EPC2: variants seen among roughly 807,000 people sequenced by gnomAD.
EPC2 encodes the protein enhancer of polycomb homolog 2.
Under a neutral mutation model 92.1 loss-of-function variants are expected in EPC2, and 14 were observed. The observed-to-expected ratio is 0.15, with a 90% CI of 0.10 to 0.24. The LOEUF is 0.24. EPC2 is among the 10% of genes least tolerant of loss of function. The pLI is 1.00. For synonymous variants in EPC2, 340 were observed against 334.7 expected (o/e 1.02, Z -0.17); for missense variants, 755 against 971.5 (o/e 0.78, Z 2.96).
intron 4 of EPC2, among the ~76,000 whole-genome samples, chr2:148,754,613 T>A (rs1182386444): frequency 5.3e-5 from 8 of 152,120 alleles, no homozygotes; most frequent in African/African-American, 1.9e-4. Flanking sequence ...TTCTTCCAAG[T>A]GAAAATGGAC....
intron 1 of EPC2, among the ~76,000 whole-genome samples, chr2:148,655,977 C>T (rs1356869714): frequency 2.2e-5 from 3 of 138,872 alleles, no homozygotes; most frequent in South Asian, 2.2e-4. Flanking sequence ...TTCACAGACA[C>T]GCTACAGAGG....
intron 2 of EPC2, among the ~76,000 whole-genome samples, chr2:148,693,455 T>A (rs1296708561): frequency 1.3e-5 from 2 of 152,148 alleles, no homozygotes; most frequent in Non-Finnish European, 2.9e-5. Context: ...TAGGATAAAA[T>A]TTTTAACATC....
At chr2:148,782,353 G>A (rs1329977327) in intron 11 of EPC2, among the ~76,000 whole-genome samples, 1 of 151,900 alleles carries the variant, frequency 6.6e-6, no homozygotes, top group Non-Finnish European at 1.5e-5. Context: ...CCTGGTCAAC[G>A]TGGCAAAACC....
intron 3 of EPC2, among the ~76,000 whole-genome samples, chr2:148,749,219 C>T (rs1387275144): frequency 6.6e-6 from 1 of 152,054 alleles, no homozygotes; most frequent in Non-Finnish European, 1.5e-5. Flanking sequence ...AGCTATAGTC[C>T]TCATGCCGGT....
intron 10 of EPC2, among the ~76,000 whole-genome samples, chr2:148,777,036 T>G (rs1355285787): frequency 3.3e-5 from 5 of 151,968 alleles, no homozygotes; most frequent in African/African-American, 1.2e-4. Context: ...ATTTTTTTAT[T>G]TTTAGGAGAG....
intron 1 of EPC2, among the ~76,000 whole-genome samples, chr2:148,646,863 G>A (rs1683812969): frequency 6.6e-6 from 1 of 152,042 alleles, no homozygotes. Flanking sequence ...TGTAATCCCA[G>A]CACTTTGGAA....
chr2:148,739,695 G>A (rs1682836713), intron 2 of EPC2, among the ~76,000 whole-genome samples: 1 of 151,942 alleles, frequency 6.6e-6, no homozygotes, highest in African/African-American at 2.4e-5. Context: ...CCTGAGCAGT[G>A]GTAGCTACCT....
chr2:148,701,992 T>C (rs1270922221), intron 2 of EPC2, among the ~76,000 whole-genome samples: 2 of 152,168 alleles, frequency 1.3e-5, no homozygotes, highest in Non-Finnish European at 2.9e-5. Flanking sequence ...TATGGCCATA[T>C]AGTTGTTCTG....
intron 7 of EPC2, among the ~76,000 whole-genome samples, chr2:148,768,399 GC>G (rs1195347269): frequency 2.6e-5 from 4 of 152,252 alleles, no homozygotes; most frequent in Admixed American, 2.6e-4. Context: ...CAATGCTACT[GC>G]CCTAGAAGTC....
At chr2:148,704,658 A>G (rs1469996324) in intron 2 of EPC2, among the ~76,000 whole-genome samples, 2 of 152,232 alleles carry the variant, frequency 1.3e-5, no homozygotes, top group Non-Finnish European at 2.9e-5. Flanking sequence ...AAAGAACTCA[A>G]CATTTTTACT....
chr2:148,786,453 T>C lies in EPC2; in HGVS notation c.*76T>C, dbSNP rs1479563877. 1 of 1,168,384 alleles carries C rather than the reference T, an allele frequency of 8.6e-7. No individual in the cohort carries two copies. The allele number at this position is 1,168,384 out of a possible 1,614,324, so 72.4% of individuals were successfully genotyped here. On this transcript the variant is annotated 3_prime_UTR_variant, in exon 14 of 14. Coordinates refer to ENST00000258484, the MANE Select transcript of EPC2 (RefSeq NM_015630.4). ...TCCAGCTGAATGCAAAAGGCAACAC[T>C]CTGTGGATCACAGAGTGTAACAATG...
chr2:148,691,120 G>T (rs893136970), intron 2 of EPC2, among the ~76,000 whole-genome samples: 1 of 152,106 alleles, frequency 6.6e-6, no homozygotes, highest in Non-Finnish European at 1.5e-5. Context: ...CCCACTGTTA[G>T]TATTTAAATG....
chr2:148,733,134 AT>A (rs753318336), intron 2 of EPC2, among the ~76,000 whole-genome samples: 15 of 142,444 alleles, frequency 1.1e-4, no homozygotes, highest in Non-Finnish European at 2.3e-4. Flanking sequence ...CCCTAAGAGT[AT>A]TTCAAACAGT....
intron 2 of EPC2, among the ~76,000 whole-genome samples, chr2:148,715,191 A>G (rs61021017): frequency 0.2 from 30,032 of 151,302 alleles, 3,620 homozygotes; most frequent in East Asian, 0.49. Flanking sequence ...GTGCCACCGC[A>G]CCCGGCTACT....
intron 1 of EPC2, among the ~76,000 whole-genome samples, chr2:148,650,990 A>G (rs189125971): frequency 4.6e-5 from 7 of 152,324 alleles, no homozygotes; most frequent in Non-Finnish European, 8.8e-5. Context: ...GTCCAAAAAC[A>G]TGTATCTGGA....
At chr2:148,698,841 T>TAA (rs1553445168) in intron 2 of EPC2, among the ~76,000 whole-genome samples, 4 of 147,824 alleles carry the variant, frequency 2.7e-5, no homozygotes, top group African/African-American at 5.0e-5. Context: ...TTTTTTTTTT[T>TAA]AAAAAAAAAG....
intron 2 of EPC2, among the ~76,000 whole-genome samples, chr2:148,725,069 T>G (rs1357832486): frequency 1.3e-5 from 2 of 152,112 alleles, no homozygotes; most frequent in African/African-American, 2.4e-5. Flanking sequence ...TATCGATGAA[T>G]TTTCTAATTT....
At chr2:148,689,970 T>C (rs971347605) in intron 1 of EPC2, among the ~76,000 whole-genome samples, 1 of 145,770 alleles carries the variant, frequency 6.9e-6, no homozygotes, top group African/African-American at 2.5e-5. Context: ...TTTCTGAGTA[T>C]ATATTTAATT....
intron 2 of EPC2, among the ~76,000 whole-genome samples, chr2:148,725,194 CT>C (rs1229407248): frequency 6.6e-6 from 1 of 151,974 alleles, no homozygotes; most frequent in East Asian, 1.9e-4. Flanking sequence ...TTTTGTTTTA[CT>C]TTTTATTTTG....
Sources: gnomAD v4.1 joint callset for allele counts (sites outside exome capture counted in the v4.1 genomes callset) on GRCh38, gnomAD v4.1.1 for gene constraint, MANE v1.5 for transcripts, NCBI Gene and HGNC (gene_info 2026-07-23, HGNC 2026-07-21) for gene names.